Variants in GHR observed in about 807,000 individuals in gnomAD.
GHR encodes GH receptor.
Under a neutral mutation model 67.1 loss-of-function variants are expected in GHR, and 35 were observed. The observed-to-expected ratio is 0.52, with a 90% CI of 0.40 to 0.69. The LOEUF is 0.69. GHR is among the 30% of genes least tolerant of loss of function. The pLI is 0.00. For missense variants in GHR, 792 were observed against 764.6 expected, an observed-to-expected ratio of 1.04 and a Z score of -0.42; for synonymous variants, 272 against 269.1, an observed-to-expected ratio of 1.01 and a Z score of -0.10.
At chr5:42,677,004 T>C (rs1016914419) in intron 3 of GHR, among the ~76,000 whole-genome samples, 1 of 151,832 alleles carries the variant, frequency 6.6e-6, no homozygotes. Flanking sequence ...CAGCACAGAA[T>C]CCAGTCCCAA....
chr5:42,694,799 C>A, intron 4 of GHR, 118 bp from the exon 5 acceptor site: 1 of 800,920 alleles, frequency 1.2e-6, no homozygotes, highest in Non-Finnish European at 2.2e-6. Flanking sequence ...ACTAAAATAC[C>A]TCTTCACAAA....
chr5:42,463,248 A>G (rs1187934208), intron 1 of GHR, among the ~76,000 whole-genome samples: 1 of 152,252 alleles, frequency 6.6e-6, no homozygotes, highest in Admixed American at 6.5e-5. Context: ...ATGTCCTGCT[A>G]TAAATGTATA....
chr5:42,525,313 GA>G (rs1394359527), intron 1 of GHR, among the ~76,000 whole-genome samples: 27 of 152,196 alleles, frequency 1.8e-4, no homozygotes, highest in Non-Finnish European at 2.1e-4. Flanking sequence ...GGAGTCAAAG[GA>G]GATCATTTTT....
intron 3 of GHR, among the ~76,000 whole-genome samples, chr5:42,688,464 G>T (rs190631232): frequency 1.0e-3 from 154 of 152,294 alleles, no homozygotes; most frequent in African/African-American, 3.5e-3. Flanking sequence ...AGGAGCCTCA[G>T]AGGGATTGGG....
chr5:42,679,214 A>C (rs1332335818), intron 3 of GHR, among the ~76,000 whole-genome samples: 1 of 145,840 alleles, frequency 6.9e-6, no homozygotes, highest in African/African-American at 2.5e-5. Context: ...ACTATTATTA[A>C]TATTTTAAAT....
chr5:42,666,270 T>C (rs1755973195), intron 3 of GHR, among the ~76,000 whole-genome samples: 2 of 152,108 alleles, frequency 1.3e-5, no homozygotes, highest in Admixed American at 1.3e-4. Flanking sequence ...AAAAAGAGGG[T>C]GAAATTAATT....
intron 3 of GHR, among the ~76,000 whole-genome samples, chr5:42,635,951 C>G (rs1011187905): frequency 1.3e-5 from 2 of 151,832 alleles, no homozygotes; most frequent in Non-Finnish European, 2.9e-5. Context: ...TGGCTCATGC[C>G]TGTAATCCCA....
At chr5:42,529,653 A>G (rs1747870325) in intron 1 of GHR, among the ~76,000 whole-genome samples, 1 of 152,164 alleles carries the variant, frequency 6.6e-6, no homozygotes, top group African/African-American at 2.4e-5. Context: ...GAAGCGCCCT[A>G]TCACGGACAC....
intron 1 of GHR, among the ~76,000 whole-genome samples, chr5:42,433,141 A>G (rs186080082): frequency 2.0e-3 from 308 of 152,278 alleles, no homozygotes; most frequent in African/African-American, 7.1e-3. Flanking sequence ...TATGTTTCAC[A>G]TTTTATCTAG....
At position 42,424,670 on chromosome 5, in the gene GHR, T is replaced by A; in HGVS notation, c.-12+715T>A. On this transcript the variant is annotated intron_variant, in intron 1 of 9. Transcript: ENST00000230882. The surrounding 1 kb of genome is among the most constrained non-coding windows in gnomAD (Gnocchi z 4.1). ...CTAGTGGTTGTAAAATCAACCAGGCTTAAAGTTTTGACAGAACTGCCAGAG... is the reference window on the plus strand; with the variant it reads ...CTAGTGGTTGTAAAATCAACCAGGCATAAAGTTTTGACAGAACTGCCAGAG... The A allele has an allele frequency of 7.2e-7, 1 of 1,394,350 alleles. No individual in the cohort carries two copies. The allele number at this position is 1,394,350 out of a possible 1,614,324, so 86.4% of individuals were successfully genotyped here. A position where few individuals can be genotyped will look rare whatever the true frequency, so the allele number is the denominator to read the frequency against.
chr5:42,620,690 C>G (rs537044312), intron 2 of GHR, among the ~76,000 whole-genome samples: 3 of 152,268 alleles, frequency 2.0e-5, no homozygotes, highest in Admixed American at 6.5e-5. Context: ...AATATACCCA[C>G]TGTTGTTGAT....
In GHR at chr5:42,541,430, G is replaced by A. The variant is rs1049015094; in HGVS notation, c.-11-24434G>A. ...CAGTTTGTTGGAGCAGGATGAGCAAGAAGAACGTAGTGGTAAATGGAGGCA... is the reference window on the plus strand; with the variant it reads ...CAGTTTGTTGGAGCAGGATGAGCAAAAAGAACGTAGTGGTAAATGGAGGCA... On this transcript the variant is annotated intron_variant, in intron 1 of 9. Coordinates refer to ENST00000230882, the MANE Select transcript of GHR (RefSeq NM_000163.5). 1.1e-4 allele frequency among the ~76,000 whole-genome samples: 17 copies of A among 152,152 alleles called. 1 individual carries two copies. Among genetic ancestry groups the A allele is most frequent in the Non-Finnish European group, 1.5e-5 (1 of 68,018 alleles).
At chr5:42,437,599 G>A (rs1190839104) in intron 1 of GHR, among the ~76,000 whole-genome samples, 1 of 151,348 alleles carries the variant, frequency 6.6e-6, no homozygotes, top group East Asian at 1.9e-4. Context: ...CCAGGCTGGA[G>A]TGCAGTGGCG....
intron 2 of GHR, among the ~76,000 whole-genome samples, chr5:42,574,513 C>G (rs1423758200): frequency 1.3e-5 from 2 of 152,194 alleles, no homozygotes; most frequent in African/African-American, 2.4e-5. Flanking sequence ...AGTAAGTTAA[C>G]TTCTGTGCAT....
chr5:42,635,670 A>T (rs73087462), intron 3 of GHR, among the ~76,000 whole-genome samples: 2,179 of 152,224 alleles, frequency 0.014, 47 homozygotes, highest in African/African-American at 0.049. Context: ...TCCCCCTTCA[A>T]CTTCAAGCAA....
chr5:42,476,588 TG>T (rs541212254), intron 1 of GHR, among the ~76,000 whole-genome samples: 99 of 152,342 alleles, frequency 6.5e-4, no homozygotes, highest in Non-Finnish European at 1.2e-3. Flanking sequence ...AAAATCATGA[TG>T]AGAAACTCCT....
intron 6 of GHR, 148 bp from the exon 7 acceptor site, chr5:42,711,059 T>G (rs1427197399): frequency 2.0e-5 from 14 of 694,492 alleles, no homozygotes; most frequent in East Asian, 1.4e-4. Flanking sequence ...CAATCTTCCT[T>G]TAAATAACAA....
chr5:42,707,716 T>C (rs909004341), intron 6 of GHR, among the ~76,000 whole-genome samples: 27 of 152,058 alleles, frequency 1.8e-4, no homozygotes, highest in African/African-American at 6.5e-4. Context: ...TGTGTGGCTA[T>C]AATAGGCTAT....
chr5:42,585,327 G>A (rs1751418898), intron 2 of GHR, among the ~76,000 whole-genome samples: 1 of 152,182 alleles, frequency 6.6e-6, no homozygotes, highest in Admixed American at 6.5e-5. Flanking sequence ...ACACTAAACT[G>A]TTACAGGTAA....
Sources: gnomAD v4.1 joint callset for allele counts (sites outside exome capture counted in the v4.1 genomes callset) on GRCh38, gnomAD v4.1.1 for gene constraint, Gnocchi (gnomAD v3.1) non-coding constraint, MANE v1.5 for transcripts, NCBI Gene and HGNC (gene_info 2026-07-23, HGNC 2026-07-21) for gene names.